MGRN1: variants seen among roughly 807,000 people sequenced by gnomAD.
MGRN1 encodes E3 ubiquitin-protein ligase MGRN1.
A neutral mutation model predicts 69.2 loss-of-function variants in MGRN1; 29 were observed. The ratio of observed to expected loss-of-function variants is 0.42; its 90% CI spans 0.31 to 0.57. The LOEUF (loss-of-function observed/expected upper bound fraction) is 0.57. Ranked by LOEUF, MGRN1 falls within the 20% of genes least tolerant of loss-of-function variation. MGRN1 has a pLI of 0.15. For synonymous variants in MGRN1, 470 were observed against 344.2 expected (o/e 1.37, Z -4.04); for missense variants, 998 against 796.2 (o/e 1.25, Z -3.05).
chr16:4,682,967 C>T (rs547677588), intron 14 of MGRN1, 21 bp downstream of exon 14: 1 of 1,531,048 alleles, frequency 6.5e-7, no homozygotes. Context: ...CCCGGGGAAG[C>T]TTTGCGCACC....
At chr16:4,688,228 C>T (rs2079377771) in intron 16 of MGRN1, 2 of 985,744 alleles carry the variant, frequency 2.0e-6, no homozygotes, top group Non-Finnish European at 2.4e-6. Flanking sequence ...ATTGCCCAAG[C>T]CCCAGGGACG....
intron 16 of MGRN1, chr16:4,688,043 G>C: frequency 2.0e-6 from 2 of 985,546 alleles, no homozygotes; most frequent in South Asian, 9.4e-5. Flanking sequence ...ATCTAGAACA[G>C]GGCTCACAGC....
rs1463269982 is a variant in MGRN1 at position 4,630,706 on chromosome 16, G to C, written c.88+5658G>C. ...GTGATCTGCCTGCCTTGGCCTCCCA[G>C]ATTGCTGGGATTACAGGCGTGAGCC... On this transcript the variant is annotated intron_variant, in intron 1 of 16. Coordinates refer to ENST00000262370, the MANE Select transcript of MGRN1 (RefSeq NM_015246.4). 1.3e-4 allele frequency among the ~76,000 whole-genome samples: 20 copies of C among 151,946 alleles called. 1 individual carries two copies. Among genetic ancestry groups the C allele is most frequent in the Admixed American group, 1.2e-3 (19 of 15,242 alleles).
intron 10 of MGRN1, among the ~76,000 whole-genome samples, chr16:4,676,597 G>A (rs952813184): frequency 2.0e-5 from 3 of 152,206 alleles, no homozygotes; most frequent in African/African-American, 7.2e-5. Flanking sequence ...TTGACACAGA[G>A]GAGGCCTGAG....
At chr16:4,668,345 A>T in intron 8 of MGRN1, 33 bp downstream of exon 8, 1 of 1,609,740 alleles carries the variant, frequency 6.2e-7, no homozygotes, top group Non-Finnish European at 8.5e-7. Flanking sequence ...ACGTGCTTGA[A>T]TTAAAAGACA....
chr16:4,672,325 G>A, intron 9 of MGRN1: 1 of 456,668 alleles, frequency 2.2e-6, no homozygotes, highest in Non-Finnish European at 4.4e-6. Context: ...GGGATTTCAG[G>A]CCTGAGACCA....
chr16:4,629,263 A>G (rs1897869783), intron 1 of MGRN1, among the ~76,000 whole-genome samples: 1 of 152,000 alleles, frequency 6.6e-6, no homozygotes, highest in South Asian at 2.1e-4. Context: ...GTTGTAACAA[A>G]GAGTTCTTTA....
At chr16:4,676,762 C>T (rs908511662) in intron 10 of MGRN1, among the ~76,000 whole-genome samples, 1 of 152,162 alleles carries the variant, frequency 6.6e-6, no homozygotes, top group African/African-American at 2.4e-5. Context: ...GCAGGACTGG[C>T]ACTGTGGGAT....
intron 2 of MGRN1, 74 bp downstream of exon 2, chr16:4,650,557 C>T: frequency 1.7e-6 from 2 of 1,206,894 alleles, no homozygotes; most frequent in Middle Eastern, 2.1e-4. Flanking sequence ...CGCATCCCAG[C>T]CATGAGGGCA....
chr16:4,657,064 G>A (rs964138404), intron 4 of MGRN1, among the ~76,000 whole-genome samples, 182 bp from the exon 5 acceptor site: 8 of 152,204 alleles, frequency 5.3e-5, no homozygotes, highest in African/African-American at 1.9e-4. Flanking sequence ...GAGCAGAGAG[G>A]CCGTGGAAGG....
At chr16:4,646,110 G>A (rs745333969) in intron 1 of MGRN1, among the ~76,000 whole-genome samples, 1 of 152,012 alleles carries the variant, frequency 6.6e-6, no homozygotes, top group African/African-American at 2.4e-5. Context: ...GCTCCGTCGG[G>A]GGGCTCTGGC....
At position 4,624,967 on chromosome 16, in the gene MGRN1, T is replaced by A. The variant is rs1408772570; in HGVS notation, c.7T>A (p.Ser3Thr). Residue 3 changes from serine (S) to threonine (T), a missense_variant, in exon 1 of 17, where the codon TCC becomes ACC. Physicochemically the swap from Ser to Thr is moderately conservative, Grantham distance 58. Transcript: ENST00000262370. MG[S>T]ILSRRIAGVE... ...CCCGGCAGCGCCGCGCACCATGGGCTCCATTCTCAGCCGCCGCATCGCGGG... is the reference window on the plus strand; with the variant it reads ...CCCGGCAGCGCCGCGCACCATGGGCACCATTCTCAGCCGCCGCATCGCGGG... 3.9e-6 allele frequency: 6 copies of A among 1,551,328 alleles called. No individual in the cohort carries two copies. The highest frequency in any genetic ancestry group is 1.4e-5 in the African/African-American group (1 of 70,226).
chr16:4,670,760 C>G (rs533510573), intron 8 of MGRN1, among the ~76,000 whole-genome samples: 1 of 152,284 alleles, frequency 6.6e-6, no homozygotes, highest in Non-Finnish European at 1.5e-5. Context: ...CCTGCAGGTA[C>G]CAGGGGAACA....
Position 4,639,494 on chromosome 16 carries a change from C to T in MGRN1, c.89-10871C>T, listed in dbSNP as rs527992983. Among the ~76,000 whole-genome samples, 7 of 152,270 alleles carry T rather than the reference C, an allele frequency of 4.6e-5. No individual in the cohort carries two copies. In the East Asian group the frequency reaches 9.7e-4, roughly 21 times the overall value. On this transcript the variant is annotated intron_variant, in intron 1 of 16. Coordinates refer to ENST00000262370, the MANE Select transcript of MGRN1 (RefSeq NM_015246.4). ...CCATTGGGCATCATTAGGCTGGGGG[C>T]ATCTGGAAGGTCAGGAGGAAGCCTG...
chr16:4,668,167 G>T, intron 7 of MGRN1, 98 bp from the exon 8 acceptor site: 1 of 852,686 alleles, frequency 1.2e-6, no homozygotes, highest in Non-Finnish European at 1.8e-6. Flanking sequence ...TGTGGGCATG[G>T]ATTGGCTGGG....
intron 10 of MGRN1, among the ~76,000 whole-genome samples, chr16:4,674,593 TTTC>T (rs1183657333): frequency 2.6e-4 from 36 of 136,444 alleles, no homozygotes; most frequent in Admixed American, 4.4e-4. Context: ...TTTTTTTTCT[TTTC>T]TTTTCTTTTT....
At chr16:4,654,994 G>A (rs938936290) in intron 4 of MGRN1, among the ~76,000 whole-genome samples, 1 of 152,232 alleles carries the variant, frequency 6.6e-6, no homozygotes, top group Non-Finnish European at 1.5e-5. Flanking sequence ...ATGCATGCCT[G>A]TGTGCTATGA....
At chr16:4,669,270 C>T (rs2078885991) in intron 8 of MGRN1, 1 of 151,928 alleles carries the variant, frequency 6.6e-6, no homozygotes, top group African/African-American at 2.4e-5. Context: ...CCCGTCTCTA[C>T]TAAAAATAAA....
rs2078930973 is a variant in MGRN1, at chr16:4,671,267, T to G, written c.727-124T>G. The stretch of plus-strand genomic sequence containing the variant: ...TGCCCTTCTCCTGGCCCCCAGGGGT[T>G]GAGCTGGACTGACCCCTGGTATGGA... On this transcript the variant is annotated intron_variant, in intron 8 of 16. Coordinates refer to ENST00000262370, the MANE Select transcript of MGRN1 (RefSeq NM_015246.4). 9 of 857,200 alleles carry G rather than the reference T, an allele frequency of 1.0e-5. No homozygotes were observed. The South Asian group carries it at 1.4e-4, about 13-fold the overall frequency. The allele number at this position is 857,200 out of a possible 1,614,324, so 53.1% of individuals were successfully genotyped here.
Sources: allele counts gnomAD v4.1 joint callset (sites outside exome capture counted in the v4.1 genomes callset), GRCh38; gene constraint gnomAD v4.1.1; transcripts MANE v1.5; gene names NCBI Gene and HGNC (gene_info 2026-07-23, HGNC 2026-07-21).